The following CHM variants were observed in gnomAD, a reference collection of about 807,000 sequenced individuals.
CHM encodes CHM Rab escort protein.
CHM carries 10 observed loss-of-function variants against 49.0 expected under a neutral mutation model. The observed-to-expected ratio is 0.20, with a 90% CI of 0.13 to 0.35. The LOEUF is 0.35. CHM is among the 10% of genes least tolerant of loss of function. The pLI, the probability that CHM is intolerant of heterozygous loss-of-function variation, is 1.00. For missense variants in CHM, 455 were observed against 478.4 expected (o/e 0.95, Z 0.46); for synonymous variants, 184 against 167.5 (o/e 1.10, Z -0.76).
intron 4 of CHM, among the ~76,000 whole-genome samples, chrX:85,974,767 T>C (rs1262344318): frequency 9.1e-6 from 1 of 110,291 alleles, no homozygotes; most frequent in East Asian, 2.8e-4. Context: ...TCTATACCTA[T>C]AGGTAGGCAA....
At chrX:85,901,857 T>C (rs1291050772) in intron 9 of CHM, among the ~76,000 whole-genome samples, 3 of 112,054 alleles carry the variant, frequency 2.7e-5, no homozygotes, top group East Asian at 2.8e-4. Flanking sequence ...TCATCTGATA[T>C]GTGTTGGAAC....
At chrX:85,911,055 T>G (rs1288672198) in intron 9 of CHM, among the ~76,000 whole-genome samples, 1 of 80,837 alleles carries the variant, frequency 1.2e-5, no homozygotes, top group African/African-American at 4.6e-5. Context: ...CCAAGGAGGA[T>G]CTTTGAAGAA....
intron 14 of CHM, among the ~76,000 whole-genome samples, chrX:85,871,858 C>G (rs1046030289): frequency 8.9e-6 from 1 of 111,813 alleles, no homozygotes; most frequent in African/African-American, 3.2e-5. Context: ...AGCTACCTTG[C>G]TAAAAACTTG....
intron 2 of CHM, among the ~76,000 whole-genome samples, chrX:86,012,312 G>A (rs1933111623): frequency 8.9e-6 from 1 of 111,759 alleles, no homozygotes; most frequent in Non-Finnish European, 1.9e-5. Context: ...CAATTGAACA[G>A]GCCCTGGAGA....
intron 1 of CHM, among the ~76,000 whole-genome samples, chrX:86,030,908 C>T (rs1179380663): frequency 1.8e-5 from 2 of 111,153 alleles, no homozygotes; most frequent in African/African-American, 3.3e-5. Context: ...ATCCATGTTG[C>T]AGCATGGATC....
intron 2 of CHM, among the ~76,000 whole-genome samples, chrX:86,005,096 A>G (rs1195227155): frequency 1.8e-5 from 2 of 112,274 alleles, no homozygotes; most frequent in African/African-American, 6.5e-5. Context: ...ACTAGGACTC[A>G]GGATTTAAAA....
At chrX:85,949,981 ATATATATATAT>A (rs1929648386) in intron 8 of CHM, among the ~76,000 whole-genome samples, 1 of 48,758 alleles carries the variant, frequency 2.1e-5, no homozygotes, top group African/African-American at 1.4e-4. Flanking sequence ...GAAATTAAAT[ATATATATATAT>A]ATATATATAT....
chrX:85,874,686 G>T (rs1483085162), intron 13 of CHM, among the ~76,000 whole-genome samples: 1 of 111,452 alleles, frequency 9.0e-6, no homozygotes, highest in Admixed American at 9.5e-5. Context: ...ATCTCCTAAG[G>T]TGCCCCTTTC....
At chrX:85,890,147 C>A (rs144087554) in intron 12 of CHM, among the ~76,000 whole-genome samples, 1 of 111,114 alleles carries the variant, frequency 9.0e-6, no homozygotes, top group African/African-American at 3.3e-5. Context: ...CAGCATCATG[C>A]GATATACCCT....
intron 14 of CHM, among the ~76,000 whole-genome samples, chrX:85,872,515 T>A (rs760482634): frequency 9.0e-6 from 1 of 111,507 alleles, no homozygotes; most frequent in East Asian, 2.8e-4. Context: ...TAATGGTAGC[T>A]CCTGGGACAG....
At position 85,926,107 on chromosome X, in the gene CHM, C is replaced by A. The variant is rs1928062993; in HGVS notation, c.1167-14769G>T. ...TGTGTTACGATGCTGACTCTTAAAT[C>A]ATTTATAAAAATGTTAAAAAAAAAA... is the stretch of plus-strand genomic sequence containing the variant. On this transcript the variant is annotated intron_variant, in intron 8 of 14. Coordinates refer to ENST00000357749, the MANE Select transcript of CHM (RefSeq NM_000390.4). Among the ~76,000 whole-genome samples, 3 of 109,898 alleles carry A rather than the reference C, an allele frequency of 2.7e-5. No individual in the cohort carries two copies. In the South Asian group the frequency reaches 1.2e-3, roughly 44 times the overall value.
At chrX:85,867,278 C>T (rs1251964807) in intron 14 of CHM, among the ~76,000 whole-genome samples, 1 of 111,744 alleles carries the variant, frequency 8.9e-6, no homozygotes, top group African/African-American at 3.3e-5. Flanking sequence ...TCCCTCTTTG[C>T]TTTCTTTGCT....
intron 11 of CHM, among the ~76,000 whole-genome samples, chrX:85,899,680 A>ACC (rs374034736): frequency 3.8e-4 from 19 of 49,571 alleles, no homozygotes; most frequent in Non-Finnish European, 4.7e-4. Context: ...CTCTAAACCC[A>ACC]CCCCCCGCCC....
intron 8 of CHM, among the ~76,000 whole-genome samples, chrX:85,940,791 T>C (rs1178420953): frequency 9.0e-6 from 1 of 111,548 alleles, no homozygotes; most frequent in Non-Finnish European, 1.9e-5. Context: ...TTGTTGCTCT[T>C]TTCTGAGAAT....
At chrX:85,885,640 GATT>G (rs1385876805) in intron 12 of CHM, among the ~76,000 whole-genome samples, 2 of 111,147 alleles carry the variant, frequency 1.8e-5, no homozygotes, top group East Asian at 5.6e-4. Flanking sequence ...TCTATATTTT[GATT>G]ATATTTGATT....
chrX:85,890,105 C>CT (rs771920032), intron 12 of CHM, among the ~76,000 whole-genome samples: 24 of 111,349 alleles, frequency 2.2e-4, no homozygotes, highest in African/African-American at 7.5e-4. Flanking sequence ...TGTTCACTAT[C>CT]TGAGTGACAG....
At chrX:85,947,215 G>C (rs184581514) in intron 8 of CHM, among the ~76,000 whole-genome samples, 317 of 111,767 alleles carry the variant, frequency 2.8e-3, no homozygotes, top group African/African-American at 9.9e-3. Context: ...GATTTGGGAA[G>C]GGCCAGGGAC....
chrX:85,894,900 T>G (rs2148145121), intron 11 of CHM, among the ~76,000 whole-genome samples: 1 of 111,843 alleles, frequency 8.9e-6, no homozygotes, highest in South Asian at 3.7e-4. Flanking sequence ...TTAAAGATGT[T>G]ACCCATTCCA....
chrX:85,906,191 A>T (rs1926578588), intron 9 of CHM, among the ~76,000 whole-genome samples: 1 of 112,201 alleles, frequency 8.9e-6, no homozygotes, highest in South Asian at 3.7e-4. Context: ...CTGATTTAGG[A>T]GGAAAAGAAT....
Sources: gnomAD v4.1 joint callset for allele counts (sites outside exome capture counted in the v4.1 genomes callset) on GRCh38, gnomAD v4.1.1 for gene constraint, MANE v1.5 for transcripts, NCBI Gene and HGNC (gene_info 2026-07-23, HGNC 2026-07-21) for gene names.